UMAD1: variants seen among roughly 807,000 people sequenced by gnomAD.
The protein encoded by UMAD1 is UBAP1-MVB12-associated (UMA) domain containing 1, also known as UBAP1-MVB12-associated (UMA)-domain containing protein 1.
Under a neutral mutation model 6.1 loss-of-function variants are expected in UMAD1, and 8 were observed. The ratio of observed to expected loss-of-function variants is 1.30; its 90% confidence interval spans 0.76 to 2.35. The LOEUF (loss-of-function observed/expected upper bound fraction) is 2.35, where lower values mean the gene tolerates loss of function less well. UMAD1 is among the 30% of genes most tolerant of loss of function. The pLI, the probability that UMAD1 is intolerant of heterozygous loss-of-function variation, is 0.00. For missense variants in UMAD1, 130 were observed against 78.4 expected (o/e 1.66, Z -2.49); for synonymous variants, 56 against 31.4 (o/e 1.78, Z -2.61).
Position 7,673,447 on chromosome 7 carries a change from C to T in UMAD1, c.76C>T (p.Leu26Phe). The change falls in exon 2 of 4, where the codon CTT (leucine) becomes TTT (phenylalanine). Residue 26 changes from leucine to phenylalanine, a missense_variant. Coordinates refer to ENST00000682710, the MANE Select transcript of UMAD1 (RefSeq NM_001302348.2). ...AGAGACAGAAGCAGATGGATTCGTC[C>T]TTTTAGGTGAGTCTTTTTAAGAAAC... ...VPETEADGFV[L>F]LGDTTDEQRM... 1 of 853,738 alleles carries T rather than the reference C, an allele frequency of 1.2e-6. No homozygotes were observed. Among genetic ancestry groups the T allele is most frequent in the Non-Finnish European group, 1.9e-6 (1 of 522,514 alleles). 52.9% of individuals were successfully genotyped at this position (853,738 alleles called of 1,614,324 possible).
At chr7:7,714,847 AT>A (rs1419535149) in intron 2 of UMAD1, among the ~76,000 whole-genome samples, 1 of 145,268 alleles carries the variant, frequency 6.9e-6, no homozygotes, top group South Asian at 2.2e-4. Flanking sequence ...TTGTTCAAAA[AT>A]TTTTCTTTTT....
chr7:7,700,753 T>G (rs1326327876), intron 2 of UMAD1, among the ~76,000 whole-genome samples: 1 of 152,076 alleles, frequency 6.6e-6, no homozygotes, highest in Non-Finnish European at 1.5e-5. Flanking sequence ...CCAGGCATGG[T>G]GGTGGGTGCC....
chr7:7,727,967 T>TTATATA (rs145454946), intron 2 of UMAD1, among the ~76,000 whole-genome samples: 11 of 151,776 alleles, frequency 7.2e-5, no homozygotes, highest in African/African-American at 2.4e-4. Flanking sequence ...AATAAACTCT[T>TTATATA]TATATATATA....
At chr7:7,654,984 T>C (rs1246218606) in intron 1 of UMAD1, among the ~76,000 whole-genome samples, 1 of 152,190 alleles carries the variant, frequency 6.6e-6, no homozygotes, top group Non-Finnish European at 1.5e-5. Flanking sequence ...CATAGTAGGA[T>C]TGCAGGACCT....
chr7:7,732,739 A>G (rs1454815174), intron 2 of UMAD1, among the ~76,000 whole-genome samples: 1 of 152,256 alleles, frequency 6.6e-6, no homozygotes, highest in Non-Finnish European at 1.5e-5. Flanking sequence ...ACACAGTCCC[A>G]TAAAATATAG....
chr7:7,738,170 G>T (rs1781397387), intron 2 of UMAD1, among the ~76,000 whole-genome samples: 1 of 152,096 alleles, frequency 6.6e-6, no homozygotes, highest in African/African-American at 2.4e-5. Flanking sequence ...ATTTCTTAAA[G>T]AAGTTTAGTG....
chr7:7,722,980 C>A (rs899806206), intron 2 of UMAD1, among the ~76,000 whole-genome samples: 2 of 152,220 alleles, frequency 1.3e-5, no homozygotes, highest in African/African-American at 4.8e-5. Context: ...CTGCCATCAG[C>A]CTTTCCACCT....
chr7:7,794,409 C>T (rs977031871), intron 2 of UMAD1, among the ~76,000 whole-genome samples: 1 of 152,132 alleles, frequency 6.6e-6, no homozygotes, highest in African/African-American at 2.4e-5. Flanking sequence ...AAAGGGCGTC[C>T]TAATCGGAAT....
chr7:7,738,646 C>T (rs1194941293), intron 2 of UMAD1: 3 of 152,248 alleles, frequency 2.0e-5, no homozygotes, highest in Non-Finnish European at 4.4e-5. Context: ...AGGGCTGTGG[C>T]TACCGAGTGA....
intron 2 of UMAD1, among the ~76,000 whole-genome samples, chr7:7,687,737 A>G (rs891688786): frequency 5.3e-5 from 8 of 152,232 alleles, no homozygotes; most frequent in African/African-American, 1.4e-4. Context: ...TTTTATGACT[A>G]TACATACACA....
At chr7:7,821,964 A>G (rs1431147464) in intron 3 of UMAD1, among the ~76,000 whole-genome samples, 1 of 152,122 alleles carries the variant, frequency 6.6e-6, no homozygotes, top group Admixed American at 6.6e-5. Flanking sequence ...ATCACTTATT[A>G]TATTATTACA....
chr7:7,726,847 G>T (rs1050144743), intron 2 of UMAD1, among the ~76,000 whole-genome samples: 1 of 152,134 alleles, frequency 6.6e-6, no homozygotes, highest in African/African-American at 2.4e-5. Context: ...GTGTTGGCTG[G>T]GGTGATTGAC....
intron 2 of UMAD1, among the ~76,000 whole-genome samples, chr7:7,777,704 A>T (rs1394237848): frequency 6.6e-6 from 1 of 151,522 alleles, no homozygotes; most frequent in African/African-American, 2.4e-5. Flanking sequence ...TTGAGACAAA[A>T]TATTTAGCAT....
chr7:7,841,306 C>A (rs1444799016), intron 3 of UMAD1, among the ~76,000 whole-genome samples: 3 of 137,608 alleles, frequency 2.2e-5, no homozygotes, highest in Admixed American at 7.6e-5. Context: ...GTCAATATAA[C>A]AAGTGATCTT....
At chr7:7,810,397 A>G (rs932700095) in intron 3 of UMAD1, among the ~76,000 whole-genome samples, 5 of 152,148 alleles carry the variant, frequency 3.3e-5, no homozygotes, top group African/African-American at 9.6e-5. Context: ...CACAAGTTGT[A>G]TGCTAAAAAA....
intron 3 of UMAD1, among the ~76,000 whole-genome samples, chr7:7,847,105 ATAT>A (rs1206996032): frequency 4.4e-4 from 2 of 4,546 alleles, no homozygotes; most frequent in Non-Finnish European, 6.7e-4. Flanking sequence ...AAAAAAAAAA[ATAT>A]ATATATATAT....
At chr7:7,799,239 G>A (rs746038041) in intron 2 of UMAD1, among the ~76,000 whole-genome samples, 6 of 152,112 alleles carry the variant, frequency 3.9e-5, no homozygotes, top group African/African-American at 1.4e-4. Context: ...TGTTTATTCA[G>A]CTTTCATTTT....
At chr7:7,857,035 A>C (rs1012808755) in intron 3 of UMAD1, among the ~76,000 whole-genome samples, 3 of 152,226 alleles carry the variant, frequency 2.0e-5, no homozygotes, top group Admixed American at 2.0e-4. Context: ...CAACCACCAT[A>C]AAATTGTATT....
At chr7:7,723,563 G>C (rs568352559) in intron 2 of UMAD1, among the ~76,000 whole-genome samples, 1 of 152,278 alleles carries the variant, frequency 6.6e-6, no homozygotes, top group East Asian at 1.9e-4. Context: ...AGCTGGGAGG[G>C]TCCAGAAGAT....
Sources: allele counts gnomAD v4.1 joint callset (sites outside exome capture counted in the v4.1 genomes callset), GRCh38; gene constraint gnomAD v4.1.1; transcripts MANE v1.5; gene names NCBI Gene and HGNC (gene_info 2026-07-23, HGNC 2026-07-21).